PUS7: variants seen among roughly 807,000 people sequenced by gnomAD.
PUS7 encodes pseudouridine synthase 7, also known as pseudouridylate synthase 7 homolog.
PUS7 carries 48 observed loss-of-function variants against 79.8 expected under a neutral mutation model. The ratio of observed to expected loss-of-function variants is 0.60; its 90% confidence interval spans 0.48 to 0.76. The LOEUF (loss-of-function observed/expected upper bound fraction) is 0.76. Ranked by LOEUF, PUS7 falls within the 30% of genes least tolerant of loss-of-function variation. The pLI is 0.00. For synonymous variants in PUS7, 286 were observed against 272.2 expected (o/e 1.05, Z -0.50); for missense variants, 729 against 797.6 (o/e 0.91, Z 1.04).
Position 105,457,602 on chromosome 7 carries a change from C to T in PUS7, c.*188G>A. On this transcript the variant is annotated 3_prime_UTR_variant, in exon 16 of 16. Coordinates refer to ENST00000469408, the MANE Select transcript of PUS7 (RefSeq NM_019042.5). ...TATATTCTGAGCTAAAATTAAGAACCTCAGGATTTGTGTACATGTACAAAT... is the reference window on the plus strand; with the variant it reads ...TATATTCTGAGCTAAAATTAAGAACTTCAGGATTTGTGTACATGTACAAAT... The T allele has an allele frequency of 2.2e-6, 1 of 449,512 alleles. No homozygotes were observed. Among genetic ancestry groups the T allele is most frequent in the Non-Finnish European group, 3.7e-6 (1 of 268,868 alleles). The allele number at this position is 449,512 out of a possible 1,614,324, so 27.8% of individuals were successfully genotyped here. A position where few individuals can be genotyped will look rare whatever the true frequency, so the allele number is the denominator to read the frequency against.
chr7:105,492,341 T>C (rs1467541208), intron 6 of PUS7, among the ~76,000 whole-genome samples: 1 of 151,972 alleles, frequency 6.6e-6, no homozygotes, highest in African/African-American at 2.4e-5. Context: ...GCTTTTTTTT[T>C]TGAGACGGAG....
intron 9 of PUS7, among the ~76,000 whole-genome samples, chr7:105,473,912 CTAAGAAAT>C (rs1170164211): frequency 6.6e-6 from 1 of 152,204 alleles, no homozygotes; most frequent in Non-Finnish European, 1.5e-5. Flanking sequence ...TATTCAATCT[CTAAGAAAT>C]TAAGCACTGT....
At chr7:105,461,145 G>T (rs984939206) in intron 14 of PUS7, among the ~76,000 whole-genome samples, 2 of 152,122 alleles carry the variant, frequency 1.3e-5, no homozygotes, top group Admixed American at 1.3e-4. Context: ...ATTTTTAAAC[G>T]AACTAACATA....
chr7:105,502,311 T>C (rs1825285235), intron 5 of PUS7, 109 bp downstream of exon 5: 1 of 1,339,394 alleles, frequency 7.5e-7, no homozygotes, highest in Non-Finnish European at 1.0e-6. Context: ...AATATTGTTC[T>C]CTGAGCAGCA....
At chr7:105,498,792 A>G (rs764946837) in intron 5 of PUS7, among the ~76,000 whole-genome samples, 3 of 151,974 alleles carry the variant, frequency 2.0e-5, no homozygotes, top group Non-Finnish European at 4.4e-5. Context: ...TTTTGAAAAT[A>G]TATATTTTTC....
In PUS7 at chr7:105,495,199, A is replaced by G; in HGVS notation, c.785T>C (p.Leu262Pro). Residue 262 changes from leucine to proline, a missense_variant, in exon 6 of 16, where the codon CTA (leucine) becomes CCA (proline). Coordinates refer to ENST00000469408, the MANE Select transcript of PUS7 (RefSeq NM_019042.5). ...CATGGTGTCTTTGTTTTCCTTATAT[A>G]GTACGAAGTGGCAGTAACTTCCCCT... is the stretch of plus-strand genomic sequence containing the variant. ...KSRGSYCHFV[L>P]YKENKDTMDA... 1.2e-6 allele frequency: 2 copies of G among 1,612,964 alleles called. No homozygotes were observed. The highest frequency in any genetic ancestry group is 1.7e-6 in the Non-Finnish European group (2 of 1,179,442).
intron 4 of PUS7, among the ~76,000 whole-genome samples, chr7:105,503,523 A>G (rs1825336585): frequency 6.6e-6 from 1 of 152,222 alleles, no homozygotes; most frequent in African/African-American, 2.4e-5. Flanking sequence ...TCTTTACTCA[A>G]TACAACCACA....
chr7:105,519,746 G>T (rs547399096), intron 1 of PUS7, among the ~76,000 whole-genome samples: 1 of 152,276 alleles, frequency 6.6e-6, no homozygotes, highest in South Asian at 2.1e-4. Flanking sequence ...GGACATGCGA[G>T]CTCCAAAGAA....
intron 14 of PUS7, among the ~76,000 whole-genome samples, chr7:105,460,909 C>T (rs1823401467): frequency 6.6e-6 from 1 of 151,478 alleles, no homozygotes; most frequent in Non-Finnish European, 1.5e-5. Context: ...GTTTTGTCAC[C>T]CAGGCTGGAG....
intron 9 of PUS7, among the ~76,000 whole-genome samples, chr7:105,477,382 G>T (rs1460930667): frequency 6.6e-6 from 1 of 151,924 alleles, no homozygotes. Context: ...CGAGTAGCTG[G>T]GATTACAGGT....
At chr7:105,512,119 T>A (rs1157663050) in intron 1 of PUS7, among the ~76,000 whole-genome samples, 1 of 114,530 alleles carries the variant, frequency 8.7e-6, no homozygotes, top group South Asian at 3.0e-4. Flanking sequence ...CACTCCAGCC[T>A]GGGTGACAGA....
intron 4 of PUS7, 139 bp from the exon 5 acceptor site, chr7:105,502,703 CTTTTA>C (rs1586163221): frequency 1.0e-6 from 1 of 999,958 alleles, no homozygotes; most frequent in East Asian, 2.6e-5. Flanking sequence ...TTTCAAAAAT[CTTTTA>C]TTTTTATTTT....
At chr7:105,462,197 C>T (rs560054612) in intron 14 of PUS7, 8 of 156,774 alleles carry the variant, frequency 5.1e-5, no homozygotes, top group Admixed American at 1.3e-4. Context: ...TTTGGGAGGC[C>T]GGGGCAGGAG....
intron 6 of PUS7, among the ~76,000 whole-genome samples, chr7:105,494,091 G>C (rs1824905259): frequency 6.6e-6 from 1 of 152,146 alleles, no homozygotes. Flanking sequence ...TAGAAAATCA[G>C]ACCGGTCTCA....
At chr7:105,514,179 C>T (rs1410903702) in intron 1 of PUS7, among the ~76,000 whole-genome samples, 15 of 131,510 alleles carry the variant, frequency 1.1e-4, no homozygotes, top group Non-Finnish European at 2.1e-4. Flanking sequence ...TGCGGTGAGC[C>T]GAGATTGTGC....
chr7:105,479,865 G>A (rs899343440), intron 9 of PUS7, among the ~76,000 whole-genome samples: 1 of 152,126 alleles, frequency 6.6e-6, no homozygotes, highest in South Asian at 2.1e-4. Flanking sequence ...GGGTGAGGTG[G>A]TGCATGCCTG....
At chr7:105,502,679 G>A in intron 4 of PUS7, 115 bp from the exon 5 acceptor site, 1 of 1,144,478 alleles carries the variant, frequency 8.7e-7, no homozygotes, top group Non-Finnish European at 1.3e-6. Flanking sequence ...AATAACAAAA[G>A]TGCCTGCATA....
chr7:105,481,905 T>G (rs1824337474), intron 8 of PUS7, among the ~76,000 whole-genome samples: 1 of 152,184 alleles, frequency 6.6e-6, no homozygotes, highest in South Asian at 2.1e-4. Flanking sequence ...TAATTTTTTG[T>G]ATTTTTAGTA....
rs1823220254 is a variant in PUS7, at chr7:105,457,132, C to T, written c.*658G>A. ...TCCAGCCTGTGCTACAGAGTGAGAT[C>T]CTGTCTCGAAAAAAAAAATAAAAAA... is the stretch of plus-strand genomic sequence containing the variant. On this transcript the variant is annotated 3_prime_UTR_variant, in exon 16 of 16. Coordinates refer to ENST00000469408, the MANE Select transcript of PUS7 (RefSeq NM_019042.5). The T allele has an allele frequency of 6.6e-6, 1 of 151,568 alleles. No individual in the cohort carries two copies. The allele number at this position is 151,568 out of a possible 1,614,324, so 9.4% of individuals were successfully genotyped here.
Sources: allele counts gnomAD v4.1 joint callset (sites outside exome capture counted in the v4.1 genomes callset), GRCh38; gene constraint gnomAD v4.1.1; transcripts MANE v1.5; gene names NCBI Gene and HGNC (gene_info 2026-07-23, HGNC 2026-07-21).